CHLSN: variants seen among roughly 807,000 people sequenced by gnomAD.
The protein encoded by CHLSN is protein cholesin.
chr7:1,133,296 T>A, the CHLSN span, among the ~76,000 whole-genome samples: 1 of 145,634 alleles, frequency 6.9e-6, no homozygotes, highest in Admixed American at 7.1e-5. Flanking sequence ...GAGGGAAGAG[T>A]GGGTGACCAC....
At chr7:1,061,441 C>T in the CHLSN span, among the ~76,000 whole-genome samples, 2 of 152,122 alleles carry the variant, frequency 1.3e-5, no homozygotes, top group South Asian at 2.1e-4. Flanking sequence ...TCCCCAGGTT[C>T]CCGCCAGCCT....
the CHLSN span, chr7:997,445 A>G: frequency 1.8e-6 from 1 of 552,278 alleles, no homozygotes; most frequent in East Asian, 3.4e-5. Flanking sequence ...TGGAGGAGGG[A>G]AGGGGCCCTT....
the CHLSN span, chr7:989,096 C>T: frequency 6.8e-6 from 3 of 438,496 alleles, no homozygotes; most frequent in Non-Finnish European, 1.2e-5. Flanking sequence ...CACTCTCCCA[C>T]CCCTGAAGCT....
chr7:1,083,296 C>T, the CHLSN span, among the ~76,000 whole-genome samples: 8 of 152,208 alleles, frequency 5.3e-5, no homozygotes, highest in East Asian at 1.3e-3. Flanking sequence ...TCTCTGAGTG[C>T]AGCAAATTCC....
chr7:1,031,220 C>T, the CHLSN span, among the ~76,000 whole-genome samples: 2 of 152,326 alleles, frequency 1.3e-5, no homozygotes, highest in South Asian at 4.1e-4. Context: ...GACAAAGATG[C>T]GTGCCCATTG....
At chr7:1,012,010 C>T in the CHLSN span, among the ~76,000 whole-genome samples, 7 of 152,172 alleles carry the variant, frequency 4.6e-5, no homozygotes, top group East Asian at 1.9e-4. Context: ...GGTGACTGAC[C>T]GGCTCCAACC....
the CHLSN span, among the ~76,000 whole-genome samples, chr7:1,003,397 G>T: frequency 2.7e-4 from 19 of 70,236 alleles, no homozygotes; most frequent in Non-Finnish European, 5.0e-4. Flanking sequence ...CTGTGGGTGA[G>T]TGGAGTCCTG....
At chr7:993,159 G>A in the CHLSN span, among the ~76,000 whole-genome samples, 1 of 152,184 alleles carries the variant, frequency 6.6e-6, no homozygotes. Flanking sequence ...AGGGGTACGA[G>A]TGCTTCTGAG....
At chr7:1,054,490 G>A in the CHLSN span, among the ~76,000 whole-genome samples, 3 of 152,256 alleles carry the variant, frequency 2.0e-5, no homozygotes, top group African/African-American at 2.4e-5. Flanking sequence ...CTCGAGAGCC[G>A]GTTCAGGGCG....
chr7:1,137,968 G>A, the CHLSN span: 1 of 150,950 alleles, frequency 6.6e-6, no homozygotes, highest in Non-Finnish European at 1.5e-5. Context: ...TAACCCAGAG[G>A]CGGGTGCGGG....
chr7:1,069,312 C>T, the CHLSN span, among the ~76,000 whole-genome samples: 2 of 152,074 alleles, frequency 1.3e-5, no homozygotes, highest in South Asian at 4.2e-4. Flanking sequence ...GCCTGGGCGA[C>T]AGAGCGAAAC....
chr7:1,116,180 G>A, the CHLSN span, among the ~76,000 whole-genome samples: 32 of 133,776 alleles, frequency 2.4e-4, no homozygotes, highest in East Asian at 2.7e-4. Context: ...CAACGCCCAC[G>A]CAGGATGACA....
At chr7:1,111,998 A>G in the CHLSN span, among the ~76,000 whole-genome samples, 358 of 152,256 alleles carry the variant, frequency 2.4e-3, 1 homozygote, top group African/African-American at 8.1e-3. Context: ...TGTATTTTCT[A>G]ATTTCTTTTA....
chr7:1,045,802 T>A, the CHLSN span: 2 of 152,280 alleles, frequency 1.3e-5, no homozygotes, highest in Non-Finnish European at 2.9e-5. Context: ...AATACTGTTG[T>A]GCCTTTTCAC....
the CHLSN span, among the ~76,000 whole-genome samples, chr7:1,009,054 CG>C: frequency 1.3e-5 from 2 of 152,138 alleles, no homozygotes; most frequent in Non-Finnish European, 2.9e-5. Flanking sequence ...CACACGTACA[CG>C]TGCACGTGCA....
the CHLSN span, among the ~76,000 whole-genome samples, chr7:1,074,237 T>G: frequency 1.6e-4 from 3 of 18,672 alleles, no homozygotes; most frequent in Non-Finnish European, 1.9e-4. Flanking sequence ...CCGCCGTCAC[T>G]CCCCCGACCC....
At chr7:1,020,816 T>C in the CHLSN span, among the ~76,000 whole-genome samples, 1 of 152,158 alleles carries the variant, frequency 6.6e-6, no homozygotes, top group Non-Finnish European at 1.5e-5. Context: ...CCCCAGGCTG[T>C]GTGAAACGGA....
chr7:1,084,870 G>C, the CHLSN span, among the ~76,000 whole-genome samples: 218 of 152,392 alleles, frequency 1.4e-3, 1 homozygote, highest in Non-Finnish European at 2.4e-3. Context: ...TGCTCCTGCA[G>C]AATCAGGGGG....
the CHLSN span, among the ~76,000 whole-genome samples, chr7:1,018,245 C>G: frequency 6.6e-6 from 1 of 151,474 alleles, no homozygotes; most frequent in Admixed American, 6.6e-5. Flanking sequence ...AGCCGAGGCC[C>G]TACAGGAACA....
Sources: gnomAD v4.1 joint callset for allele counts (sites outside exome capture counted in the v4.1 genomes callset) on GRCh38, gnomAD v4.1.1 for gene constraint, MANE v1.5 for transcripts, NCBI Gene and HGNC (gene_info 2026-07-23, HGNC 2026-07-21) for gene names.